Variants in FSTL4 observed in about 807,000 individuals in gnomAD.
FSTL4 encodes the protein follistatin like 4, also known as follistatin-related protein 4.
In FSTL4, 28 loss-of-function variants were observed where a neutral mutation model predicts 78.2. The ratio of observed to expected loss-of-function variants is 0.36; its 90% confidence interval spans 0.27 to 0.49. The LOEUF (loss-of-function observed/expected upper bound fraction) is 0.49, where lower values mean the gene tolerates loss of function less well. FSTL4 is among the 20% of genes least tolerant of loss of function. FSTL4 has a pLI of 0.98. For synonymous variants in FSTL4, 422 were observed against 440.5 expected, an observed-to-expected ratio of 0.96 and a Z score of 0.53; for missense variants, 922 against 1,084.9, an observed-to-expected ratio of 0.85 and a Z score of 2.11.
chr5:133,302,746 C>T (rs1229723121), intron 6 of FSTL4, among the ~76,000 whole-genome samples: 1 of 152,244 alleles, frequency 6.6e-6, no homozygotes, highest in Non-Finnish European at 1.5e-5. Context: ...GAGCTGCTCA[C>T]CCGGCGCATG....
At chr5:133,248,690 A>G (rs1392978491) in intron 7 of FSTL4, 1 of 152,230 alleles carries the variant, frequency 6.6e-6, no homozygotes, top group Non-Finnish European at 1.5e-5. Flanking sequence ...TGGGACCCCA[A>G]CGGAGGCTGC....
Position 133,198,909 on chromosome 5 carries a change from G to A in FSTL4, c.*186C>T, listed in dbSNP as rs968719455. On this transcript the variant is annotated 3_prime_UTR_variant, in exon 16 of 16. Coordinates refer to ENST00000265342, the MANE Select transcript of FSTL4 (RefSeq NM_015082.2). The stretch of plus-strand genomic sequence containing the variant: ...CAAGGCATAAATCATACTTCCTAAC[G>A]AAAAAACCCCAATCTTGGTAGCAGC... 46 of 473,518 alleles carry A rather than the reference G, an allele frequency of 9.7e-5. No individual in the cohort carries two copies. Among genetic ancestry groups the A allele is most frequent in the Middle Eastern group, 5.4e-4 (1 of 1,866 alleles). 29.3% of individuals were successfully genotyped at this position (473,518 alleles called of 1,614,324 possible).
the FSTL4 span, among the ~76,000 whole-genome samples, chr5:133,693,660 C>CAAACAGGTT: frequency 6.6e-6 from 1 of 152,192 alleles, no homozygotes; most frequent in Admixed American, 6.5e-5. Flanking sequence ...TTTTGTGCTG[C>CAAACAGGTT]TCTAACAGAA....
rs1751293328 is a variant in FSTL4 at position 133,225,282 on chromosome 5, T to C, written c.1180A>G (p.Asn394Asp). 1 of 1,614,200 alleles carries C rather than the reference T, an allele frequency of 6.2e-7. No individual in the cohort carries two copies. The highest frequency in any genetic ancestry group is 1.7e-5 in the Admixed American group (1 of 60,032). The change falls in exon 10 of 16, where the codon AAT becomes GAT. Residue 394 changes from asparagine (N) to aspartate (D), a missense_variant and splice_region_variant. Coordinates refer to ENST00000265342, the MANE Select transcript of FSTL4 (RefSeq NM_015082.2). This position sits in a 1 kb window ranked among gnomAD's most constrained non-coding sequence, Gnocchi z 4.6. The part of the protein sequence containing the change: ...QMSKQLSLLA[N>D]GSELHISSVR... ...CTGCTGATGTGGAGTTCGCTCCCAT[T>C]GGCTGCAGACAGGACAGTGCTCAGG...
chr5:133,205,216 ATG>A (rs1561616881), intron 14 of FSTL4, among the ~76,000 whole-genome samples: 2 of 151,736 alleles, frequency 1.3e-5, no homozygotes, highest in Admixed American at 6.5e-5. Flanking sequence ...ATTTAATTAA[ATG>A]TCTTTTCAGT....
At chr5:133,238,942 G>T (rs926990760) in intron 7 of FSTL4, among the ~76,000 whole-genome samples, 1 of 152,244 alleles carries the variant, frequency 6.6e-6, no homozygotes, top group Non-Finnish European at 1.5e-5. Context: ...CCCCTTTCTG[G>T]GCTGGCCAAG....
chr5:133,779,559 G>A, the FSTL4 span, among the ~76,000 whole-genome samples: 15 of 152,036 alleles, frequency 9.9e-5, no homozygotes, highest in Admixed American at 6.6e-5. Context: ...GCATTTCAGC[G>A]TGGGCGACAG....
chr5:133,517,862 A>G (rs938833150), intron 3 of FSTL4, among the ~76,000 whole-genome samples: 1 of 152,152 alleles, frequency 6.6e-6, no homozygotes, highest in Non-Finnish European at 1.5e-5. Flanking sequence ...TGGCAGAATT[A>G]TCTCTTCTTT....
chr5:133,368,336 C>A (rs749164875), intron 4 of FSTL4, among the ~76,000 whole-genome samples: 1 of 152,336 alleles, frequency 6.6e-6, no homozygotes, highest in Non-Finnish European at 1.5e-5. Context: ...GTTGGCAGTG[C>A]TCTGAGTGTA....
intron 6 of FSTL4, among the ~76,000 whole-genome samples, chr5:133,287,799 T>C (rs1381138932): frequency 6.6e-6 from 1 of 152,242 alleles, no homozygotes; most frequent in Non-Finnish European, 1.5e-5. Context: ...CCACTGTTCT[T>C]CCTGCCCTTT....
At chr5:133,331,350 G>A (rs1754341840) in intron 4 of FSTL4, among the ~76,000 whole-genome samples, 1 of 152,012 alleles carries the variant, frequency 6.6e-6, no homozygotes, top group Admixed American at 6.6e-5. Flanking sequence ...CCAAGCCAAA[G>A]AGTCACTGGG....
At chr5:133,710,611 C>G in the FSTL4 span, among the ~76,000 whole-genome samples, 1 of 152,216 alleles carries the variant, frequency 6.6e-6, no homozygotes, top group Non-Finnish European at 1.5e-5. Flanking sequence ...TTTCTTTTCT[C>G]CTGGGTACTC....
chr5:133,460,172 T>C (rs1437230400), intron 3 of FSTL4, among the ~76,000 whole-genome samples: 1 of 152,244 alleles, frequency 6.6e-6, no homozygotes, highest in Non-Finnish European at 1.5e-5. Flanking sequence ...TCCCACACTG[T>C]GGAGTGTACT....
At chr5:133,818,931 C>CTATATATATATATATATATA in the FSTL4 span, among the ~76,000 whole-genome samples, 5,980 of 61,564 alleles carry the variant, frequency 0.097, 1,307 homozygotes, top group East Asian at 0.15. Context: ...TTAGAAGATA[C>CTATATATATATATATATATA]TATATATATA....
chr5:133,669,238 G>A, the FSTL4 span, among the ~76,000 whole-genome samples: 6 of 152,158 alleles, frequency 3.9e-5, no homozygotes, highest in South Asian at 8.3e-4. Flanking sequence ...GGTCAGCTAC[G>A]GAGACCCAGC....
At chr5:133,431,325 T>G (rs911959363) in intron 3 of FSTL4, among the ~76,000 whole-genome samples, 2 of 152,200 alleles carry the variant, frequency 1.3e-5, no homozygotes, top group African/African-American at 2.4e-5. Context: ...TCAAATTAGG[T>G]GTGGCCTTAG....
At chr5:133,827,221 G>C in the FSTL4 span, among the ~76,000 whole-genome samples, 1 of 152,182 alleles carries the variant, frequency 6.6e-6, no homozygotes, top group African/African-American at 2.4e-5. Context: ...CTCCATCCAG[G>C]CTTTGTTTGC....
the FSTL4 span, among the ~76,000 whole-genome samples, chr5:133,801,900 G>C: frequency 6.6e-6 from 1 of 152,178 alleles, no homozygotes; most frequent in Admixed American, 6.5e-5. Context: ...TCTGGTCAGA[G>C]CCTGGGCATG....
intron 3 of FSTL4, among the ~76,000 whole-genome samples, chr5:133,403,395 C>T (rs1019926843): frequency 6.6e-6 from 1 of 152,190 alleles, no homozygotes; most frequent in Non-Finnish European, 1.5e-5. Flanking sequence ...AGCCCAAGTC[C>T]AAGTGTCCCT....
Sources: allele counts gnomAD v4.1 joint callset (sites outside exome capture counted in the v4.1 genomes callset), GRCh38; gene constraint gnomAD v4.1.1; non-coding constraint Gnocchi (gnomAD v3.1); transcripts MANE v1.5; gene names NCBI Gene and HGNC (gene_info 2026-07-23, HGNC 2026-07-21).